Variants in FGF12 observed in about 807,000 individuals in gnomAD.
FGF12 encodes the protein fibroblast growth factor 12B.
FGF12 carries 14 observed loss-of-function variants against 23.6 expected under a neutral mutation model. That is an observed-to-expected ratio of 0.59 (90% confidence interval 0.39 to 0.93). FGF12 has a LOEUF of 0.93. FGF12 is among the 40% of genes least tolerant of loss of function. FGF12 has a pLI of 0.00. For missense variants in FGF12, 175 were observed against 217.8 expected (o/e 0.80, Z 1.24); for synonymous variants, 62 against 77.3 (o/e 0.80, Z 1.04).
intron 2 of FGF12, among the ~76,000 whole-genome samples, chr3:192,559,097 T>C (rs760195096): frequency 1.3e-5 from 2 of 151,794 alleles, no homozygotes; most frequent in Non-Finnish European, 2.9e-5. Flanking sequence ...AATAGACAAA[T>C]GGGACTACAT....
intron 2 of FGF12, among the ~76,000 whole-genome samples, chr3:192,649,035 C>T (rs1716113415): frequency 6.6e-6 from 1 of 152,108 alleles, no homozygotes; most frequent in Non-Finnish European, 1.5e-5. Flanking sequence ...AGGGGTCACT[C>T]TATCATGTTA....
chr3:192,325,280 T>C (rs558238804), intron 4 of FGF12, among the ~76,000 whole-genome samples: 61 of 152,246 alleles, frequency 4.0e-4, no homozygotes, highest in African/African-American at 1.4e-3. Flanking sequence ...CCAAGTGCTA[T>C]ACCCCCCAAT....
At chr3:192,647,121 G>A (rs534130274) in intron 2 of FGF12, among the ~76,000 whole-genome samples, 8 of 152,160 alleles carry the variant, frequency 5.3e-5, no homozygotes, top group African/African-American at 9.6e-5. Context: ...AACTGAAAAC[G>A]CTTTCAGTAA....
chr3:192,250,264 A>G (rs1711918920), intron 4 of FGF12, among the ~76,000 whole-genome samples: 1 of 152,190 alleles, frequency 6.6e-6, no homozygotes, highest in Non-Finnish European at 1.5e-5. Context: ...CATTTAGCCA[A>G]AGAAAAACAG....
chr3:192,469,111 G>A (rs900053541), intron 2 of FGF12, among the ~76,000 whole-genome samples: 5 of 152,098 alleles, frequency 3.3e-5, no homozygotes, highest in African/African-American at 9.7e-5. Flanking sequence ...GTTTAAGCAC[G>A]TCCTCATTTT....
At chr3:192,499,274 G>A (rs941441504) in intron 2 of FGF12, among the ~76,000 whole-genome samples, 2 of 151,668 alleles carry the variant, frequency 1.3e-5, no homozygotes, top group Non-Finnish European at 2.9e-5. Flanking sequence ...GAAACTTGCC[G>A]AAGGTCATGC....
chr3:192,658,274 CTGATACTGAACCTGCCAG>C (rs1716522044), intron 2 of FGF12, among the ~76,000 whole-genome samples: 1 of 152,206 alleles, frequency 6.6e-6, no homozygotes. Flanking sequence ...AGGCTGAAAG[CTGATACTGAACCTGCCAG>C]TGGTCAGGTA....
At chr3:192,655,019 C>A (rs925157436) in intron 2 of FGF12, among the ~76,000 whole-genome samples, 3 of 152,072 alleles carry the variant, frequency 2.0e-5, no homozygotes, top group Non-Finnish European at 2.9e-5. Flanking sequence ...TATTTGAGCA[C>A]AAGGAACAAA....
chr3:192,549,331 T>C (rs1391822869), intron 2 of FGF12, among the ~76,000 whole-genome samples: 1 of 152,096 alleles, frequency 6.6e-6, no homozygotes, highest in Non-Finnish European at 1.5e-5. Context: ...ATTGATTGTG[T>C]GTGGAAGTAA....
chr3:192,373,859 A>G (rs539289333), intron 2 of FGF12, among the ~76,000 whole-genome samples: 23 of 152,348 alleles, frequency 1.5e-4, no homozygotes, highest in African/African-American at 5.5e-4. Flanking sequence ...GACATGATCA[A>G]AAGCCTACTT....
At chr3:192,233,903 A>C (rs774209510) in intron 4 of FGF12, among the ~76,000 whole-genome samples, 4 of 152,008 alleles carry the variant, frequency 2.6e-5, no homozygotes, top group Non-Finnish European at 5.9e-5. Context: ...CTATGTGTCT[A>C]TTTTTGTACC....
chr3:192,507,334 TACACACACACACACACACAC>T (rs35433581), intron 2 of FGF12, among the ~76,000 whole-genome samples: 14 of 144,728 alleles, frequency 9.7e-5, no homozygotes, highest in Admixed American at 2.1e-4. Context: ...TTTGACCAAA[TACACACACACACACACACAC>T]ACACACACAC....
intron 2 of FGF12, among the ~76,000 whole-genome samples, chr3:192,563,660 AAGAG>A (rs1712143444): frequency 6.6e-6 from 1 of 152,228 alleles, no homozygotes; most frequent in South Asian, 2.1e-4. Context: ...TCCTGAAACA[AAGAG>A]AGAAATTCTA....
chr3:192,660,611 T>C (rs1716628864), intron 2 of FGF12, among the ~76,000 whole-genome samples: 1 of 152,106 alleles, frequency 6.6e-6, no homozygotes, highest in Admixed American at 6.6e-5. Flanking sequence ...ATACTCTGTT[T>C]TTGGAAAAGT....
At chr3:192,252,013 T>C (rs540097720) in intron 4 of FGF12, among the ~76,000 whole-genome samples, 2 of 152,304 alleles carry the variant, frequency 1.3e-5, no homozygotes, top group Non-Finnish European at 2.9e-5. Flanking sequence ...TAGGTATTTA[T>C]ATAAGAACAC....
intron 2 of FGF12, among the ~76,000 whole-genome samples, chr3:192,378,026 TTTTCTTTCTTTCTTTC>T (rs202170804): frequency 0.061 from 4,206 of 69,192 alleles, 249 homozygotes; most frequent in East Asian, 0.1. Context: ...TGACTCTTTC[TTTTCTTTCTTTCTTTC>T]TTTCTTTCTT....
At chr3:192,208,096 A>T (rs1443459134) in intron 4 of FGF12, among the ~76,000 whole-genome samples, 1 of 152,226 alleles carries the variant, frequency 6.6e-6, no homozygotes, top group Non-Finnish European at 1.5e-5. Flanking sequence ...TACTTGATAG[A>T]GGCGGAGAAA....
chr3:192,534,150 A>G (rs1725166532), intron 2 of FGF12: 1 of 153,356 alleles, frequency 6.5e-6, no homozygotes, highest in Non-Finnish European at 1.5e-5. Context: ...TTTACTCAGA[A>G]TCTATTTTTT....
At chr3:192,349,290 A>G (rs1718101171) in intron 3 of FGF12, among the ~76,000 whole-genome samples, 1 of 152,098 alleles carries the variant, frequency 6.6e-6, no homozygotes, top group African/African-American at 2.4e-5. Context: ...TACTGTACTT[A>G]GAGCAAATCA....
Sources: allele counts gnomAD v4.1 joint callset (sites outside exome capture counted in the v4.1 genomes callset), GRCh38; gene constraint gnomAD v4.1.1; transcripts MANE v1.5; gene names NCBI Gene and HGNC (gene_info 2026-07-23, HGNC 2026-07-21).